The following ZNF615 variants were observed in gnomAD, a reference collection of about 807,000 sequenced individuals.
ZNF615 encodes the protein zinc finger protein 615.
ZNF615 carries 15 observed loss-of-function variants against 15.3 expected under a neutral mutation model. The ratio of observed to expected loss-of-function variants is 0.98; its 90% CI spans 0.66 to 1.51. The LOEUF is 1.51. Among genes scored for constraint, ZNF615 ranks in the 40% most tolerant of loss-of-function variants. The pLI, the probability that ZNF615 is intolerant of heterozygous loss-of-function variation, is 0.00. For synonymous variants in ZNF615, 268 were observed against 294.6 expected, an observed-to-expected ratio of 0.91 and a Z score of 0.92; for missense variants, 848 against 895.9, an observed-to-expected ratio of 0.95 and a Z score of 0.68.
chr19:51,994,461 T>C lies in ZNF615; in HGVS notation c.648A>G (p.Val216=). 1 of 1,614,216 alleles carries C rather than the reference T, an allele frequency of 6.2e-7. No individual in the cohort carries two copies. The highest frequency in any genetic ancestry group is 8.5e-7 in the Non-Finnish European group (1 of 1,180,022). Residue 216 remains valine (V), a synonymous_variant, in exon 7 of 7, where the codon GTA becomes GTG. Coordinates refer to ENST00000598071, the MANE Select transcript of ZNF615 (RefSeq NM_001199324.2). ...QRTHNIENAH[V]CSECGKAFLK... ...GGAAGGCTTTCCCACATTCACTGCATACATGGGCATTCTCTATGTTGTGAG... is the reference window on the plus strand; with the variant it reads ...GGAAGGCTTTCCCACATTCACTGCACACATGGGCATTCTCTATGTTGTGAG...
intron 6 of ZNF615, among the ~76,000 whole-genome samples, chr19:51,995,979 T>C (rs1386800197): frequency 2.6e-5 from 4 of 152,052 alleles, no homozygotes; most frequent in African/African-American, 7.2e-5. Context: ...AATGGAGATA[T>C]AAGAGGTGGA....
Position 51,994,851 on chromosome 19 carries a change from G to C in ZNF615, c.272-14C>G. ...TTTTCCTGATTTCTAGGAAAGAAGAGAACAGTCAATCACTCCATCATCTTG... is the reference window on the plus strand; with the variant it reads ...TTTTCCTGATTTCTAGGAAAGAAGACAACAGTCAATCACTCCATCATCTTG... On this transcript the variant is annotated splice_polypyrimidine_tract_variant and intron_variant, in intron 6 of 6. Coordinates refer to ENST00000598071, the MANE Select transcript of ZNF615 (RefSeq NM_001199324.2). 5 of 1,568,386 alleles carry C rather than the reference G, an allele frequency of 3.2e-6. No individual in the cohort carries two copies. Among genetic ancestry groups the C allele is most frequent in the Non-Finnish European group, 4.3e-6 (5 of 1,160,642 alleles).
At chr19:52,002,846 A>ATTT (rs2086643440) in intron 3 of ZNF615, among the ~76,000 whole-genome samples, 1 of 130,008 alleles carries the variant, frequency 7.7e-6, no homozygotes. Flanking sequence ...TTTTTTTTTG[A>ATTT]GATGGAGTCT....
intron 6 of ZNF615, among the ~76,000 whole-genome samples, chr19:51,995,538 C>T (rs148698783): frequency 8.7e-5 from 13 of 150,044 alleles, no homozygotes; most frequent in African/African-American, 3.2e-4. Flanking sequence ...TCACTATGCT[C>T]ATGTTTGGGA....
intron 5 of ZNF615, among the ~76,000 whole-genome samples, chr19:52,001,342 G>A (rs562688125): frequency 6.6e-5 from 10 of 152,074 alleles, no homozygotes; most frequent in South Asian, 2.1e-4. Flanking sequence ...AGTGGGGGCC[G>A]GGCGCAGTGG....
At chr19:51,996,912 C>A (rs145204321) in intron 6 of ZNF615, among the ~76,000 whole-genome samples, 2 of 152,246 alleles carry the variant, frequency 1.3e-5, no homozygotes, top group South Asian at 4.1e-4. Flanking sequence ...AAAGTAAGTA[C>A]GTGAGGTAGT....
Position 52,003,832 on chromosome 19 carries a change from T to C in ZNF615, c.-121A>G. On this transcript the variant is annotated 5_prime_UTR_variant, in exon 3 of 7. Coordinates refer to ENST00000598071, the MANE Select transcript of ZNF615 (RefSeq NM_001199324.2). ...CAATCAAGGATGTCCCCAGAAATGA[T>C]GACACCCAAGTCTTGGAAACTCCGC... The C allele has an allele frequency of 6.5e-7, 1 of 1,546,298 alleles. No homozygotes were observed. The highest frequency in any genetic ancestry group is 1.3e-5 in the South Asian group (1 of 78,458).
intron 1 of ZNF615, among the ~76,000 whole-genome samples, chr19:52,007,691 T>A (rs572223687): frequency 6.6e-6 from 1 of 152,176 alleles, no homozygotes; most frequent in South Asian, 2.1e-4. Flanking sequence ...AAAACCTGGA[T>A]CAGAAACCTC....
rs146442856 is a variant in ZNF615 at position 51,993,793 on chromosome 19, T to A, written c.1316A>T (p.Tyr439Phe). The A allele has an allele frequency of 6.2e-7, 1 of 1,614,080 alleles. No individual in the cohort carries two copies. The highest frequency in any genetic ancestry group is 1.3e-5 in the African/African-American group (1 of 74,932). ...GCCCTTTCCACACTCATTGCATTTA[T>A]AAGGTTTCTCTCCAGTATGAGTTCG... ...HQRTHTGEKP[Y>F]KCNECGKGFA... is the part of the protein sequence containing the mutation. The change falls in exon 7 of 7, where the codon TAT becomes TTT. Residue 439 changes from tyrosine (Y) to phenylalanine (F), a missense_variant. By Grantham distance (22) the Tyr-to-Phe change is conservative. Coordinates refer to ENST00000598071, the MANE Select transcript of ZNF615 (RefSeq NM_001199324.2).
chr19:52,002,142 C>T lies in ZNF615; in HGVS notation c.142+13G>A, dbSNP rs1301317115. 6.2e-7 allele frequency: 1 copy of T among 1,614,066 alleles called. No homozygotes were observed. The highest frequency in any genetic ancestry group is 1.3e-5 in the African/African-American group (1 of 74,922). On this transcript the variant is annotated intron_variant, in intron 4 of 6. Transcript: ENST00000598071. The stretch of plus-strand genomic sequence containing the variant: ...TGGGCACCCTCTGAGTGACACAGGG[C>T]AGCTGTCCTCACCCACTGCCACCAG...
intron 3 of ZNF615, among the ~76,000 whole-genome samples, chr19:52,002,947 C>G (rs1319103564): frequency 6.6e-6 from 1 of 151,962 alleles, no homozygotes; most frequent in Admixed American, 6.6e-5. Context: ...CTGCCTCAGC[C>G]TCCCTAGTAG....
rs1168020367 is a variant in ZNF615, at chr19:51,994,244, G to A, written c.865C>T (p.His289Tyr). The change falls in exon 7 of 7, where the codon CAT becomes TAT. Residue 289 changes from histidine to tyrosine, a missense_variant. Transcript: ENST00000598071. ...TTCCCTCCCATATGAGTTTTCTGAT[G>A]TATATTGAGCTGTGATTTCTTGAGG... Reference protein sequence around the residue: ...TFLKKSQLNIHQKTHMGGKPY... With the variant: ...TFLKKSQLNIYQKTHMGGKPY... The A allele has an allele frequency of 6.2e-7, 1 of 1,614,000 alleles. No individual in the cohort carries two copies. The highest frequency in any genetic ancestry group is 1.7e-5 in the Admixed American group (1 of 60,010).
chr19:51,997,308 G>T (rs1424797068), intron 6 of ZNF615, among the ~76,000 whole-genome samples: 1 of 152,036 alleles, frequency 6.6e-6, no homozygotes, highest in East Asian at 1.9e-4. Context: ...ATAAAGAAAA[G>T]AAATCATAAA....
chr19:52,004,868 G>A (rs1237739146), intron 2 of ZNF615: 1 of 152,142 alleles, frequency 6.6e-6, no homozygotes, highest in Non-Finnish European at 1.5e-5. Flanking sequence ...GAACAAAACG[G>A]TAAGTAATTA....
rs1329461682 is a variant in ZNF615 at position 51,993,739 on chromosome 19, T to C, written c.1370A>G (p.His457Arg). 1 of 1,614,054 alleles carries C rather than the reference T, an allele frequency of 6.2e-7. No individual in the cohort carries two copies. Among genetic ancestry groups the C allele is most frequent in the Non-Finnish European group, 8.5e-7 (1 of 1,180,044 alleles). Residue 457 changes from histidine (H) to arginine (R), a missense_variant, in exon 7 of 7, where the codon CAT (histidine) becomes CGT (arginine). Physicochemically the swap from His to Arg is conservative, Grantham distance 29. Transcript: ENST00000598071. ...TTTCTCTCCAGTATGTGTTCGCTGATGTCTGATGAGTGGGCTCTTCAAAGC... is the reference window on the plus strand; with the variant it reads ...TTTCTCTCCAGTATGTGTTCGCTGACGTCTGATGAGTGGGCTCTTCAAAGC... ...GFALKSPLIR[H>R]QRTHTGEKPY...
Position 52,008,202 on chromosome 19 carries a change from A to C in ZNF615, c.-289T>G, listed in dbSNP as rs1244774896. 6 of 1,532,862 alleles carry C rather than the reference A, an allele frequency of 3.9e-6. No individual in the cohort carries two copies. The South Asian group carries it at 6.0e-5, about 15-fold the overall frequency. 95.0% of individuals were successfully genotyped at this position (1,532,862 alleles called of 1,614,324 possible). ...GCCTCCTCAGTGCCTGACGGCGACT[A>C]TCCAGGGTCGGAGGCGTTCCCAGCG... On this transcript the variant is annotated 5_prime_UTR_variant, in exon 1 of 7. Transcript: ENST00000598071.
At chr19:52,007,878 C>A in intron 1 of ZNF615, 1 of 457,852 alleles carries the variant, frequency 2.2e-6, no homozygotes, top group East Asian at 3.5e-5. Flanking sequence ...CTCTAGAGAT[C>A]TTTAACCACA....
At chr19:52,004,448 C>T (rs532419106) in intron 2 of ZNF615, 1 of 152,036 alleles carries the variant, frequency 6.6e-6, no homozygotes, top group South Asian at 2.1e-4. Context: ...AGTAAGACTC[C>T]AGTGGCGTGA....
chr19:51,997,356 A>G (rs901746875), intron 6 of ZNF615, among the ~76,000 whole-genome samples: 1 of 152,174 alleles, frequency 6.6e-6, no homozygotes, highest in African/African-American at 2.4e-5. Flanking sequence ...TCAGCATTTG[A>G]TTTAAAGTGT....
Sources: gnomAD v4.1 joint callset for allele counts (sites outside exome capture counted in the v4.1 genomes callset) on GRCh38, gnomAD v4.1.1 for gene constraint, MANE v1.5 for transcripts, NCBI Gene and HGNC (gene_info 2026-07-23, HGNC 2026-07-21) for gene names.